Variants in KLHL32 observed in about 807,000 individuals in gnomAD.
KLHL32 encodes kelch like family member 32.
Under a neutral mutation model 64.8 loss-of-function variants are expected in KLHL32, and 35 were observed. The ratio of observed to expected loss-of-function variants is 0.54; its 90% CI spans 0.41 to 0.72. The LOEUF (loss-of-function observed/expected upper bound fraction) is 0.72. Ranked by LOEUF, KLHL32 falls within the 30% of genes least tolerant of loss-of-function variation. KLHL32 has a pLI of 0.00. For synonymous variants in KLHL32, 259 were observed against 281.0 expected (o/e 0.92, Z 0.78); for missense variants, 589 against 768.5 (o/e 0.77, Z 2.76).
the KLHL32 span, among the ~76,000 whole-genome samples, chr6:96,916,635 T>C: frequency 6.6e-6 from 1 of 152,216 alleles, no homozygotes; most frequent in Admixed American, 6.5e-5. Flanking sequence ...TGAAGGCCTC[T>C]GTGCACATAA....
chr6:97,127,322 C>T, intron 7 of KLHL32, 82 bp from the exon 8 acceptor site: 1 of 1,160,786 alleles, frequency 8.6e-7, no homozygotes, highest in Non-Finnish European at 1.3e-6. Flanking sequence ...AGCTAATTCT[C>T]CTTTAATTGT....
At chr6:96,951,491 T>A (rs1368477094) in intron 1 of KLHL32, among the ~76,000 whole-genome samples, 2 of 152,108 alleles carry the variant, frequency 1.3e-5, no homozygotes, top group Non-Finnish European at 2.9e-5. Context: ...TGTTGGACAG[T>A]GCGCCACCCC....
Position 96,931,213 on chromosome 6 carries a change from TC to T in KLHL32, c.-66+6188del, listed in dbSNP as rs150314081. Among the ~76,000 whole-genome samples the T allele has an allele frequency of 5.8e-3, 881 of 152,330 alleles. 21 individuals carry two copies. The highest frequency in any genetic ancestry group is 0.02 in the African/African-American group (846 of 41,566). On this transcript the variant is annotated intron_variant, in intron 1 of 10. Transcript: ENST00000369261. ...CTTTCTAGTTAAATCTATGTTTTTT[TC>T]TTTTTCTCTGCACCACGACCTCACT... is the stretch of plus-strand genomic sequence containing the variant.
upstream of KLHL32, among the ~76,000 whole-genome samples, chr6:96,920,731 G>A (rs1768728448): frequency 6.6e-6 from 1 of 151,994 alleles, no homozygotes; most frequent in South Asian, 2.1e-4. Flanking sequence ...TGGCTACTTG[G>A]TATCTTCATA....
chr6:97,131,766 C>G (rs1456107962), intron 9 of KLHL32, among the ~76,000 whole-genome samples: 1 of 152,164 alleles, frequency 6.6e-6, no homozygotes, highest in African/African-American at 2.4e-5. Flanking sequence ...CGCTGGGAAT[C>G]TAATCAGAGG....
intron 3 of KLHL32, among the ~76,000 whole-genome samples, chr6:96,985,203 A>C (rs1279234320): frequency 6.6e-6 from 1 of 151,902 alleles, no homozygotes; most frequent in African/African-American, 2.4e-5. Flanking sequence ...ATTGGCCCCC[A>C]CTCTCTTCTG....
chr6:96,932,564 T>TTCC (rs1770045941), intron 1 of KLHL32, among the ~76,000 whole-genome samples: 1 of 114,320 alleles, frequency 8.7e-6, no homozygotes, highest in African/African-American at 3.4e-5. Flanking sequence ...GTTGTCAATT[T>TTCC]CCCCCCCCCC....
At chr6:97,027,118 C>T (rs555936715) in intron 3 of KLHL32, among the ~76,000 whole-genome samples, 45 of 149,002 alleles carry the variant, frequency 3.0e-4, no homozygotes, top group Non-Finnish European at 5.8e-4. Flanking sequence ...GCCGAGATTG[C>T]GCCACTGCAC....
chr6:97,023,574 AG>A (rs1049136512), intron 3 of KLHL32, among the ~76,000 whole-genome samples: 143 of 152,350 alleles, frequency 9.4e-4, no homozygotes, highest in African/African-American at 3.2e-3. Flanking sequence ...TTTAAAATCC[AG>A]GGCAACAAGG....
chr6:97,117,599 T>A (rs767679957), intron 7 of KLHL32, among the ~76,000 whole-genome samples: 1 of 152,268 alleles, frequency 6.6e-6, no homozygotes, highest in Admixed American at 6.5e-5. Context: ...ATTAAAGATG[T>A]TAGAGTCGAA....
At position 97,130,876 on chromosome 6, in the gene KLHL32, C is replaced by G; in HGVS notation, c.1533C>G (p.Ile511Met). The G allele has an allele frequency of 6.2e-7, 1 of 1,614,078 alleles. No homozygotes were observed. The highest frequency in any genetic ancestry group is 8.5e-7 in the Non-Finnish European group (1 of 1,179,974). Residue 511 changes from isoleucine to methionine, a missense_variant, in exon 9 of 11, where the codon ATC becomes ATG. Coordinates refer to ENST00000369261, the MANE Select transcript of KLHL32 (RefSeq NM_052904.4). ...ACCTAGACTACAATAATGACCGGAT[C>G]CTTGTGCGCCATATAGATTCTTACA... ...GNDLDYNNDR[I>M]LVRHIDSYNI... is the part of the protein sequence containing the mutation.
chr6:97,078,504 T>C (rs748550059), intron 5 of KLHL32, among the ~76,000 whole-genome samples: 1 of 152,140 alleles, frequency 6.6e-6, no homozygotes, highest in Non-Finnish European at 1.5e-5. Context: ...CCCGGAAAAA[T>C]CTGTAATCCT....
intron 4 of KLHL32, among the ~76,000 whole-genome samples, chr6:97,057,743 T>C (rs971184911): frequency 2.0e-5 from 3 of 152,174 alleles, no homozygotes; most frequent in Admixed American, 6.5e-5. Flanking sequence ...TTTTTAATTT[T>C]AAAAAAGTCC....
intron 1 of KLHL32, among the ~76,000 whole-genome samples, chr6:96,929,108 G>T (rs1388941063): frequency 6.6e-6 from 1 of 152,188 alleles, no homozygotes; most frequent in Non-Finnish European, 1.5e-5. Flanking sequence ...GATCTTCAGT[G>T]ACTGGGTGGG....
At chr6:97,035,788 A>T (rs1784207321) in intron 3 of KLHL32, among the ~76,000 whole-genome samples, 1 of 152,110 alleles carries the variant, frequency 6.6e-6, no homozygotes, top group South Asian at 2.1e-4. Flanking sequence ...TTGAAATTTA[A>T]TTATAATGTA....
intron 1 of KLHL32, among the ~76,000 whole-genome samples, chr6:96,941,084 CATT>C (rs1771223977): frequency 6.6e-6 from 1 of 152,128 alleles, no homozygotes; most frequent in Non-Finnish European, 1.5e-5. Context: ...CTTTCTTAGC[CATT>C]ATTTCTTCCT....
At chr6:96,990,673 C>A (rs1777748692) in intron 3 of KLHL32, among the ~76,000 whole-genome samples, 1 of 151,830 alleles carries the variant, frequency 6.6e-6, no homozygotes, top group Admixed American at 6.6e-5. Flanking sequence ...TCTCTTGGGG[C>A]TCCAGCCCAG....
intron 1 of KLHL32, among the ~76,000 whole-genome samples, chr6:96,944,137 T>C (rs187243657): frequency 6.6e-6 from 1 of 152,288 alleles, no homozygotes; most frequent in African/African-American, 2.4e-5. Context: ...CAACTGGAAT[T>C]AGATGCCTGT....
chr6:96,965,422 G>A (rs1414154471), intron 1 of KLHL32, among the ~76,000 whole-genome samples: 1 of 152,112 alleles, frequency 6.6e-6, no homozygotes, highest in Non-Finnish European at 1.5e-5. Flanking sequence ...TATTTTTAAT[G>A]ATCATGTTTG....
Sources: gnomAD v4.1 joint callset for allele counts (sites outside exome capture counted in the v4.1 genomes callset) on GRCh38, gnomAD v4.1.1 for gene constraint, MANE v1.5 for transcripts, NCBI Gene and HGNC (gene_info 2026-07-23, HGNC 2026-07-21) for gene names.